Variants in KNDC1 observed in about 807,000 individuals in gnomAD.
KNDC1 encodes the protein kinase non-catalytic C-lobe domain containing 1.
Under a neutral mutation model 172.8 loss-of-function variants are expected in KNDC1, and 106 were observed. The ratio of observed to expected loss-of-function variants is 0.61; its 90% CI spans 0.52 to 0.72. The LOEUF is 0.72. Ranked by LOEUF, KNDC1 falls within the 30% of genes least tolerant of loss-of-function variation. KNDC1 has a pLI of 0.00. For synonymous variants in KNDC1, 1,083 were observed against 1,062.2 expected (o/e 1.02, Z -0.38); for missense variants, 2,325 against 2,394.5 (o/e 0.97, Z 0.61).
At position 133,207,083 on chromosome 10, in the gene KNDC1, G is replaced by A. The variant is rs1228676177; in HGVS notation, c.3580-54G>A. The A allele has an allele frequency of 6.5e-6, 10 of 1,543,936 alleles. No individual in the cohort carries two copies. In the South Asian group the frequency reaches 8.1e-5, roughly 12 times the overall value. ...CCCTGATTTGAGGGTCCAATGCCAGGAAGCCCTGGGGCGAGGGGCAGAGTG... is the reference window on the plus strand; with the variant it reads ...CCCTGATTTGAGGGTCCAATGCCAGAAAGCCCTGGGGCGAGGGGCAGAGTG... On this transcript the variant is annotated intron_variant, in intron 19 of 29. Transcript: ENST00000304613.
Position 133,224,538 on chromosome 10 carries a change from G to C in KNDC1, c.5019-121G>C. 1 of 715,338 alleles carries C rather than the reference G, an allele frequency of 1.4e-6. No homozygotes were observed. Among genetic ancestry groups the C allele is most frequent in the Non-Finnish European group, 2.4e-6 (1 of 424,492 alleles). 44.3% of individuals were successfully genotyped at this position (715,338 alleles called of 1,614,324 possible). ...ATAAATACAGACAACCCACCCTTCA[G>C]AATTTACACGGTGAAAAGATTTAGT... On this transcript the variant is annotated intron_variant, in intron 29 of 29. Coordinates refer to ENST00000304613, the MANE Select transcript of KNDC1 (RefSeq NM_152643.8). The surrounding 1 kb of genome is among the most constrained non-coding windows in gnomAD (Gnocchi z 5.4).
rs370623869 is a variant in KNDC1 at position 133,222,151 on chromosome 10, C to T, written c.5018+2039C>T. Among the ~76,000 whole-genome samples, 14 of 149,918 alleles carry T rather than the reference C, an allele frequency of 9.3e-5. No homozygotes were observed. In the East Asian group the frequency reaches 1.4e-3, roughly 15 times the overall value. On this transcript the variant is annotated intron_variant, in intron 29 of 29. Transcript: ENST00000304613. ...ACAAAAAATTAGCCGGGCGCGGTGG[C>T]GGGCGCCTGTAGTCCCAGCTACTCG...
At chr10:133,185,540 A>G (rs1034779898) in intron 5 of KNDC1, among the ~76,000 whole-genome samples, 2 of 151,848 alleles carry the variant, frequency 1.3e-5, no homozygotes, top group Non-Finnish European at 2.9e-5. Flanking sequence ...CACACACAGC[A>G]GAGAGAGATC....
At chr10:133,187,723 G>T (rs1265534817) in intron 6 of KNDC1, among the ~76,000 whole-genome samples, 1 of 152,238 alleles carries the variant, frequency 6.6e-6, no homozygotes, top group Non-Finnish European at 1.5e-5. Context: ...TGGCCTCCCA[G>T]GCTGAACGCA....
chr10:133,197,693 A>G lies in KNDC1; in HGVS notation c.1831A>G (p.Thr611Ala). The change falls in exon 12 of 30, where the codon ACC becomes GCC. Residue 611 changes from threonine (T) to alanine (A), a missense_variant. By Grantham distance (58) the Thr-to-Ala change is moderately conservative. Transcript: ENST00000304613. ...SICQVYQEEE[T>A]ISLQNAFSVV... ...TCCCCAGGTGTACCAGGAGGAAGAG[A>G]CCATCAGCCTCCAAAACGCCTTCTC... 1 of 1,613,020 alleles carries G rather than the reference A, an allele frequency of 6.2e-7. No individual in the cohort carries two copies. The highest frequency in any genetic ancestry group is 8.5e-7 in the Non-Finnish European group (1 of 1,179,704).
At position 133,186,197 on chromosome 10, in the gene KNDC1, G is replaced by A. The variant is rs546272177; in HGVS notation, c.849G>A (p.Leu283=). The A allele has an allele frequency of 3.2e-6, 5 of 1,572,838 alleles. No homozygotes were observed. The African/African-American group carries it at 6.8e-5, about 21-fold the overall frequency. ...HSREGLAGLV[L]DAERTLGELD... ...GGGAGGGGCTGGCCGGCCTCGTCCT[G>A]GATGCCGAGCGCACCCTCGGGGAGC... The change falls in exon 6 of 30, where the codon CTG becomes CTA. Residue 283 remains leucine, a synonymous_variant. Coordinates refer to ENST00000304613, the MANE Select transcript of KNDC1 (RefSeq NM_152643.8).
At chr10:133,191,820 C>A (rs77247573) in intron 9 of KNDC1, among the ~76,000 whole-genome samples, 2 of 152,240 alleles carry the variant, frequency 1.3e-5, no homozygotes, top group Admixed American at 1.3e-4. Context: ...AGGAGCACTG[C>A]GGCCCCGCCC....
chr10:133,215,861 C>T (rs115016400), intron 26 of KNDC1, among the ~76,000 whole-genome samples: 1,989 of 152,378 alleles, frequency 0.013, 45 homozygotes, highest in African/African-American at 0.042. Context: ...TGGCACCCAG[C>T]GTGGCCGGGA....
At position 133,220,041 on chromosome 10, in the gene KNDC1, C is replaced by T. The variant is rs1183126222; in HGVS notation, c.4947C>T (p.Ala1649=). ...QPTLPSAHLL[A]MHIQQLETGG... The stretch of plus-strand genomic sequence containing the variant: ...CCCTGCCCTCGGCCCACCTCCTGGC[C>T]ATGCACATCCAGCAGCTGGAGACAG... Residue 1649 remains alanine, a synonymous_variant, in exon 29 of 30, where the codon GCC becomes GCT. Transcript: ENST00000304613. 3 of 1,559,604 alleles carry T rather than the reference C, an allele frequency of 1.9e-6. No homozygotes were observed. Among genetic ancestry groups the T allele is most frequent in the Non-Finnish European group, 2.6e-6 (3 of 1,151,794 alleles).
intron 1 of KNDC1, among the ~76,000 whole-genome samples, chr10:133,166,943 A>G (rs1853179520): frequency 1.3e-5 from 2 of 152,108 alleles, no homozygotes; most frequent in African/African-American, 2.4e-5. Flanking sequence ...AAGTCATGTG[A>G]GTGTCAGGAT....
At chr10:133,198,090 C>T (rs1854244870) in intron 12 of KNDC1, among the ~76,000 whole-genome samples, 1 of 152,182 alleles carries the variant, frequency 6.6e-6, no homozygotes, top group Admixed American at 6.5e-5. Flanking sequence ...GCTCAGCAGG[C>T]CCCTCCAAGG....
rs1206839567 is a variant in KNDC1 at position 133,219,886 on chromosome 10, C to G, written c.4861-69C>G. 3 of 1,454,688 alleles carry G rather than the reference C, an allele frequency of 2.1e-6. No homozygotes were observed. The East Asian group carries it at 7.6e-5, about 37-fold the overall frequency. 90.1% of individuals were successfully genotyped at this position (1,454,688 alleles called of 1,614,324 possible). A position where few individuals can be genotyped will look rare whatever the true frequency, so the allele number is the denominator to read the frequency against. ...GCTGGGACTGGTTGGGCTGCGCTGG[C>G]CCCGGCTGAGGCTCCTGCACTGACC... On this transcript the variant is annotated intron_variant, in intron 28 of 29. Coordinates refer to ENST00000304613, the MANE Select transcript of KNDC1 (RefSeq NM_152643.8).
At chr10:133,199,632 G>T (rs373854081) in intron 15 of KNDC1, 30 bp downstream of exon 15, 3 of 1,607,636 alleles carry the variant, frequency 1.9e-6, no homozygotes. Context: ...CTGCATTCCC[G>T]CCCCTCCCTG....
In KNDC1 at chr10:133,197,710, C is replaced by T. The variant is rs541582922; in HGVS notation, c.1848C>T (p.Asn616=). The change falls in exon 12 of 30, where the codon AAC becomes AAT. Residue 616 remains asparagine (N), a synonymous_variant. Coordinates refer to ENST00000304613, the MANE Select transcript of KNDC1 (RefSeq NM_152643.8). ...AGGAAGAGACCATCAGCCTCCAAAA[C>T]GCCTTCTCAGTGGTTGAACTGAAGC... ...YQEEETISLQ[N]AFSVVELKPS... 43 of 1,613,462 alleles carry T rather than the reference C, an allele frequency of 2.7e-5. No individual in the cohort carries two copies. Among genetic ancestry groups the T allele is most frequent in the South Asian group, 1.8e-4 (16 of 91,090 alleles).
chr10:133,174,144 G>A (rs977822560), intron 3 of KNDC1: 1 of 152,306 alleles, frequency 6.6e-6, no homozygotes, highest in African/African-American at 2.4e-5. Flanking sequence ...ACAAGTGACA[G>A]ACTTGATGTG....
intron 5 of KNDC1, among the ~76,000 whole-genome samples, 161 bp downstream of exon 5, chr10:133,184,150 T>C (rs1446695412): frequency 7.8e-6 from 1 of 127,528 alleles, no homozygotes; most frequent in East Asian, 2.5e-4. Flanking sequence ...CACACACCCA[T>C]GCACACACAC....
chr10:133,170,736 A>G (rs370914214), intron 3 of KNDC1, among the ~76,000 whole-genome samples: 1 of 152,370 alleles, frequency 6.6e-6, no homozygotes, highest in East Asian at 1.9e-4. Flanking sequence ...ATTGGGTTGC[A>G]TATTTGTAAA....
intron 28 of KNDC1, among the ~76,000 whole-genome samples, chr10:133,219,349 A>C (rs1438609335): frequency 1.3e-5 from 2 of 152,192 alleles, no homozygotes; most frequent in African/African-American, 4.8e-5. Context: ...TGCCCAGAGG[A>C]CAGCACTGAG....
In KNDC1 at chr10:133,163,197, G is replaced by A. The variant is rs1218262650; in HGVS notation, c.102+2628G>A. ...GATGGGCAATGCTGGCTGCCCCATGGGAATTCAGATGAGACGAAGAGGGTG... is the reference window on the plus strand; with the variant it reads ...GATGGGCAATGCTGGCTGCCCCATGAGAATTCAGATGAGACGAAGAGGGTG... On this transcript the variant is annotated intron_variant, in intron 1 of 29. Coordinates refer to ENST00000304613, the MANE Select transcript of KNDC1 (RefSeq NM_152643.8). The surrounding 1 kb of genome is among the most constrained non-coding windows in gnomAD (Gnocchi z 4.4). 6.6e-6 allele frequency among the ~76,000 whole-genome samples: 1 copy of A among 152,176 alleles called. No individual in the cohort carries two copies. The highest frequency in any genetic ancestry group is 1.5e-5 in the Non-Finnish European group (1 of 68,036).
Sources: gnomAD v4.1 joint callset for allele counts (sites outside exome capture counted in the v4.1 genomes callset) on GRCh38, gnomAD v4.1.1 for gene constraint, Gnocchi (gnomAD v3.1) non-coding constraint, MANE v1.5 for transcripts, NCBI Gene and HGNC (gene_info 2026-07-23, HGNC 2026-07-21) for gene names.